Variants in CCDC7 observed in about 807,000 individuals in gnomAD.
CCDC7 encodes the protein coiled-coil domain-containing protein 7.
A neutral mutation model predicts 196.9 loss-of-function variants in CCDC7; 183 were observed. That is an observed-to-expected ratio of 0.93 (90% CI 0.82 to 1.05). CCDC7 has a LOEUF of 1.05. CCDC7 is among the 50% of genes least tolerant of loss of function. The pLI is 0.00. For synonymous variants in CCDC7, 525 were observed against 484.6 expected, an observed-to-expected ratio of 1.08 and a Z score of -1.10; for missense variants, 1,540 against 1,482.2, an observed-to-expected ratio of 1.04 and a Z score of -0.64.
At chr10:32,654,747 C>G (rs1351168767) in intron 20 of CCDC7, among the ~76,000 whole-genome samples, 1 of 152,102 alleles carries the variant, frequency 6.6e-6, no homozygotes, top group Non-Finnish European at 1.5e-5. Flanking sequence ...CTCAGAACCT[C>G]AAGGTCAGTT....
rs138595004 is a variant in CCDC7 at position 32,736,773 on chromosome 10, C to T, written c.2905+7316C>T. 3.4e-3 allele frequency among the ~76,000 whole-genome samples: 511 copies of T among 152,186 alleles called. 5 individuals are homozygous for T. The highest frequency in any genetic ancestry group is 0.012 in the African/African-American group (483 of 41,510). On this transcript the variant is annotated intron_variant, in intron 28 of 41. Transcript: ENST00000639629. ...TTTTGTATATTAACCTTGTATCTAGCAACCTTGCTATAATGACCTATTAGA... is the reference window on the plus strand; with the variant it reads ...TTTTGTATATTAACCTTGTATCTAGTAACCTTGCTATAATGACCTATTAGA...
chr10:32,589,981 T>A (rs2059635954), intron 18 of CCDC7, among the ~76,000 whole-genome samples: 1 of 152,130 alleles, frequency 6.6e-6, no homozygotes, highest in African/African-American at 2.4e-5. Flanking sequence ...ACTCAACCAA[T>A]CATTGGATAT....
chr10:32,563,441 C>G (rs2056160162), intron 13 of CCDC7, among the ~76,000 whole-genome samples: 1 of 152,096 alleles, frequency 6.6e-6, no homozygotes, highest in African/African-American at 2.4e-5. Flanking sequence ...GGTACTGGTA[C>G]CAAAACAGAG....
intron 10 of CCDC7, 78 bp from the exon 12 acceptor site, chr10:32,518,338 T>G (rs1348657368): frequency 1.4e-6 from 2 of 1,399,642 alleles, no homozygotes; most frequent in Non-Finnish European, 1.9e-6. Flanking sequence ...CTTTCTTACC[T>G]TAATAATTAA....
At chr10:32,822,900 C>T (rs1199291949) in intron 31 of CCDC7, among the ~76,000 whole-genome samples, 1 of 152,140 alleles carries the variant, frequency 6.6e-6, no homozygotes, top group African/African-American at 2.4e-5. Context: ...ATAAATTTCT[C>T]CAGCACATAA....
intron 3 of CCDC7, among the ~76,000 whole-genome samples, chr10:32,457,125 C>A (rs1010979724): frequency 4.2e-4 from 64 of 151,950 alleles, no homozygotes; most frequent in Middle Eastern, 3.4e-3. Context: ...TATCGTTTAA[C>A]CAACCTCTCC....
intron 24 of CCDC7, among the ~76,000 whole-genome samples, chr10:32,697,658 A>G (rs1223327438): frequency 6.6e-6 from 1 of 152,172 alleles, no homozygotes; most frequent in Non-Finnish European, 1.5e-5. Context: ...GACTAGGTAA[A>G]CAAAGCAACT....
intron 28 of CCDC7, among the ~76,000 whole-genome samples, chr10:32,769,694 A>G (rs2078871678): frequency 7.2e-6 from 1 of 139,048 alleles, no homozygotes; most frequent in African/African-American, 2.8e-5. Flanking sequence ...ATGTTTTCTC[A>G]TTGTTCAACT....
chr10:32,584,744 C>T (rs1234022212), intron 18 of CCDC7, among the ~76,000 whole-genome samples: 2 of 91,670 alleles, frequency 2.2e-5, no homozygotes, highest in African/African-American at 9.1e-5. Context: ...CAGAGTGACA[C>T]TTCATCTCAA....
intron 38 of CCDC7, 34 bp downstream of exon 39, chr10:32,847,950 G>A (rs2093377710): frequency 1.5e-6 from 2 of 1,338,758 alleles, no homozygotes; most frequent in Non-Finnish European, 2.1e-6. Context: ...AATATTTACA[G>A]TTTATCTTCT....
chr10:32,722,744 G>T (rs900685315), intron 25 of CCDC7, among the ~76,000 whole-genome samples: 1 of 152,002 alleles, frequency 6.6e-6, no homozygotes, highest in African/African-American at 2.4e-5. Flanking sequence ...GATACTGAGG[G>T]TTAGGACTTC....
upstream of CCDC7, chr10:32,446,073 G>T (rs2030852496): frequency 6.6e-6 from 1 of 152,212 alleles, no homozygotes; most frequent in South Asian, 2.1e-4. Context: ...CGCAGCTCAC[G>T]CTCGCAGCGT....
intron 30 of CCDC7, among the ~76,000 whole-genome samples, chr10:32,811,814 TC>T (rs1476541264): frequency 2.0e-5 from 3 of 151,946 alleles, no homozygotes; most frequent in African/African-American, 7.2e-5. Context: ...AACATAAAAA[TC>T]CCCAACAAAA....
intron 13 of CCDC7, among the ~76,000 whole-genome samples, 159 bp from the exon 15 acceptor site, chr10:32,565,399 A>G (rs896438885): frequency 3.9e-5 from 6 of 152,238 alleles, no homozygotes; most frequent in Non-Finnish European, 8.8e-5. Flanking sequence ...CTTTAGCTTC[A>G]GGTATTATCC....
intron 33 of CCDC7, among the ~76,000 whole-genome samples, chr10:32,839,976 A>G (rs1017400728): frequency 6.6e-6 from 1 of 152,090 alleles, no homozygotes; most frequent in Admixed American, 6.6e-5. Flanking sequence ...GACACAACCT[A>G]TCAAAACCTC....
intron 21 of CCDC7, among the ~76,000 whole-genome samples, chr10:32,684,969 TTTG>T (rs1397049346): frequency 2.4e-5 from 3 of 125,244 alleles, no homozygotes; most frequent in African/African-American, 4.1e-5. Flanking sequence ...TTTTTTTTTT[TTTG>T]AAATATACGA....
At chr10:32,827,049 T>C (rs1449419231) in intron 32 of CCDC7, among the ~76,000 whole-genome samples, 1 of 152,222 alleles carries the variant, frequency 6.6e-6, no homozygotes, top group Non-Finnish European at 1.5e-5. Flanking sequence ...CCCATGTGAG[T>C]GCTCACCAAT....
At chr10:32,605,268 A>G (rs2061457205) in intron 18 of CCDC7, among the ~76,000 whole-genome samples, 1 of 151,914 alleles carries the variant, frequency 6.6e-6, no homozygotes, top group Admixed American at 6.6e-5. Flanking sequence ...AGCCAATTAA[A>G]CCTCTTTTAT....
At chr10:32,689,027 C>G (rs776386597) in intron 22 of CCDC7, 26 bp from the exon 24 acceptor site, 8 of 1,337,658 alleles carry the variant, frequency 6.0e-6, no homozygotes, top group Non-Finnish European at 8.5e-6. Context: ...TGTAATTTAG[C>G]GGACTAAACA....
Sources: allele counts gnomAD v4.1 joint callset (sites outside exome capture counted in the v4.1 genomes callset), GRCh38; gene constraint gnomAD v4.1.1; transcripts MANE v1.5; gene names NCBI Gene and HGNC (gene_info 2026-07-23, HGNC 2026-07-21).